Variants in OTOP3 observed in about 807,000 individuals in gnomAD.
OTOP3 encodes proton channel OTOP3.
Under a neutral mutation model 50.8 loss-of-function variants are expected in OTOP3, and 41 were observed. The observed-to-expected ratio is 0.81, with a 90% CI of 0.63 to 1.05. OTOP3 has a LOEUF of 1.05. OTOP3 is among the 50% of genes least tolerant of loss of function. The pLI is 0.00. For missense variants in OTOP3, 788 were observed against 760.8 expected, an observed-to-expected ratio of 1.04 and a Z score of -0.42; for synonymous variants, 320 against 324.4, an observed-to-expected ratio of 0.99 and a Z score of 0.14.
At chr17:74,936,976 T>C in intron 1 of OTOP3, among the ~76,000 whole-genome samples, 1 of 144,742 alleles carries the variant, frequency 6.9e-6, no homozygotes, top group African/African-American at 2.5e-5. Flanking sequence ...TTTTTTTTTT[T>C]TTTTGAGACA....
At chr17:74,937,544 C>G (rs1298074721) in intron 1 of OTOP3, among the ~76,000 whole-genome samples, 1 of 152,084 alleles carries the variant, frequency 6.6e-6, no homozygotes, top group Non-Finnish European at 1.5e-5. Context: ...TCCCGGTGAG[C>G]CCCAGCCTTG....
At chr17:74,937,041 C>T (rs1598600429) in intron 1 of OTOP3, among the ~76,000 whole-genome samples, 1 of 144,168 alleles carries the variant, frequency 6.9e-6, no homozygotes, top group Admixed American at 7.3e-5. Context: ...CAGCTCACTG[C>T]AGCCTCAGCC....
At position 74,941,810 on chromosome 17, in the gene OTOP3, G is replaced by T. The variant is rs757518296; in HGVS notation, c.436+1G>T. ...CACGCGGGGCCCCTCTGGGTGCGGG[G>T]TGAGTGTCAGGTTGCTGGGGGGCTG... On this transcript the variant is annotated splice_donor_variant, in intron 2 of 6. Transcript: ENST00000328801. LOFTEE classifies it high-confidence loss of function. The T allele has an allele frequency of 1.2e-6, 2 of 1,606,352 alleles. No homozygotes were observed. Among genetic ancestry groups the T allele is most frequent in the Middle Eastern group, 1.7e-4 (1 of 6,026 alleles).
chr17:74,940,351 A>T (rs569990443), intron 1 of OTOP3, among the ~76,000 whole-genome samples: 40 of 151,714 alleles, frequency 2.6e-4, no homozygotes, highest in African/African-American at 5.1e-4. Flanking sequence ...ATTTTTTTTT[A>T]AAAAACTAGA....
intron 1 of OTOP3, 101 bp downstream of exon 1, chr17:74,936,041 C>CA: frequency 6.7e-7 from 1 of 1,500,046 alleles, no homozygotes; most frequent in Non-Finnish European, 8.9e-7. Context: ...GTAGGGGCTG[C>CA]AGGGATTGGA....
rs1202207219 is a variant in OTOP3 at position 74,941,491 on chromosome 17, G to A, written c.118G>A (p.Ala40Thr). 10 of 1,612,460 alleles carry A rather than the reference G, an allele frequency of 6.2e-6. No individual in the cohort carries two copies. In the South Asian group the frequency reaches 8.8e-5, roughly 14 times the overall value. ...AGTGGATGTGGGGGCCGAGGAGAGA[G>A]CGGCCGCCACCCGGCCCCGGCAGAA... Reference protein sequence around the residue: ...NRVDVGAEERAAATRPRQKSW... With the variant: ...NRVDVGAEERTAATRPRQKSW... Residue 40 changes from alanine to threonine, a missense_variant, in exon 2 of 7, where the codon GCG becomes ACG. Coordinates refer to ENST00000328801, the MANE Select transcript of OTOP3 (RefSeq NM_001272005.2).
At chr17:74,936,961 C>CCCT (rs1555629576) in intron 1 of OTOP3, among the ~76,000 whole-genome samples, 1 of 101,308 alleles carries the variant, frequency 9.9e-6, no homozygotes, top group African/African-American at 3.6e-5. Flanking sequence ...CCCCCCCACC[C>CCCT]TTTTTTTTTT....
At chr17:74,941,314 C>A in intron 1 of OTOP3, 79 bp from the exon 2 acceptor site, 1 of 1,401,352 alleles carries the variant, frequency 7.1e-7, no homozygotes, top group Non-Finnish European at 9.4e-7. Context: ...GACCCTGGGT[C>A]ACACAGCGGT....
In OTOP3 at chr17:74,941,679, CG is replaced by C; in HGVS notation, c.307del (p.Val103CysfsTer8). 1 of 1,614,142 alleles carries C rather than the reference CG, an allele frequency of 6.2e-7. No individual in the cohort carries two copies. The highest frequency in any genetic ancestry group is 8.5e-7 in the Non-Finnish European group (1 of 1,180,012). Reference protein sequence around the residue: ...FNKVAVTLGDVWILLATLKVL... With the variant: ...FNKVAVTLGDXWILLATLKVL... ...ACAAGGTGGCCGTCACTCTGGGTGA[CG>C]TGTGGATCCTGCTGGCCACGCTGAA... On this transcript the variant is annotated frameshift_variant, in exon 2 of 7. Transcript: ENST00000328801. LOFTEE classifies it high-confidence loss of function.
In OTOP3 at chr17:74,947,442, G is replaced by T. The variant is rs746811791; in HGVS notation, c.1533G>T (p.Glu511Asp). The T allele has an allele frequency of 6.2e-6, 10 of 1,609,864 alleles. No homozygotes were observed. In the East Asian group the frequency reaches 2.2e-4, roughly 36 times the overall value. The change falls in exon 6 of 7, where the codon GAG becomes GAT. Residue 511 changes from glutamate (E) to aspartate (D), a missense_variant. Physicochemically the swap from Glu to Asp is conservative, Grantham distance 45 (BLOSUM62 2). Transcript: ENST00000328801. ...HLNWKRRALK[E>D]ISLFLILCNI... The stretch of plus-strand genomic sequence containing the variant: ...ACTGGAAGCGGAGGGCACTCAAGGA[G>T]ATCTCACTCTTCCTCATCCTCTGCA...
In OTOP3 at chr17:74,947,029, G is replaced by A. The variant is rs752845432; in HGVS notation, c.1120G>A (p.Ala374Thr). ...VLPTMSLACL[A>T]GTAIHGLEER... Reference sequence around the variant, plus strand: ...GCCCACCATGAGTCTGGCGTGCCTGGCGGGCACAGCCATACACGGGCTGGA... The same window carrying A: ...GCCCACCATGAGTCTGGCGTGCCTGACGGGCACAGCCATACACGGGCTGGA... Residue 374 changes from alanine (A) to threonine (T), a missense_variant, in exon 6 of 7, where the codon GCG becomes ACG. By Grantham distance (58) the Ala-to-Thr change is moderately conservative. Coordinates refer to ENST00000328801, the MANE Select transcript of OTOP3 (RefSeq NM_001272005.2). 1.8e-5 allele frequency: 29 copies of A among 1,613,822 alleles called. No homozygotes were observed. In the Admixed American group the frequency reaches 4.7e-4, roughly 26 times the overall value.
At chr17:74,948,902 A>T (rs781064636) in intron 6 of OTOP3, among the ~76,000 whole-genome samples, 1 of 152,202 alleles carries the variant, frequency 6.6e-6, no homozygotes, top group Non-Finnish European at 1.5e-5. Context: ...AGCTCAGGGT[A>T]CAGGGTGGGG....
At position 74,947,185 on chromosome 17, in the gene OTOP3, G is replaced by T. The variant is rs1004062855; in HGVS notation, c.1276G>T (p.Glu426Ter). 1 of 1,614,012 alleles carries T rather than the reference G, an allele frequency of 6.2e-7. No individual in the cohort carries two copies. Among genetic ancestry groups the T allele is most frequent in the Non-Finnish European group, 8.5e-7 (1 of 1,180,020 alleles). Residue 426 changes from glutamate to a stop codon, truncating the protein, a stop_gained, in exon 6 of 7, where the codon GAG becomes TAG. Transcript: ENST00000328801. LOFTEE classifies it high-confidence loss of function. The stretch of plus-strand genomic sequence containing the variant: ...GGCCATTGTGGCCAAGCGCCCGCAT[G>T]AGCTGCTCAACCGCCTCATCCTGGC... ...IVAIVAKRPH[E>*]LLNRLILAYS...
chr17:74,943,822 A>G (rs1253667508), intron 5 of OTOP3, 98 bp downstream of exon 5: 1 of 1,025,050 alleles, frequency 9.8e-7, no homozygotes, highest in Non-Finnish European at 1.5e-6. Context: ...AAAACAGGTG[A>G]GGCTCAGTAG....
At chr17:74,948,763 G>A (rs113515642) in intron 6 of OTOP3, among the ~76,000 whole-genome samples, 25 of 151,904 alleles carry the variant, frequency 1.6e-4, no homozygotes, top group Admixed American at 9.8e-4. Flanking sequence ...ACTTGAGCCC[G>A]GGAGGTTGAG....
At chr17:74,936,055 G>A (rs957651051) in intron 1 of OTOP3, 115 bp downstream of exon 1, 169 of 1,467,032 alleles carry the variant, frequency 1.2e-4, no homozygotes, top group Non-Finnish European at 3.2e-5. Context: ...GATTGGAACG[G>A]GAAAGCGGGG....
intron 5 of OTOP3, 49 bp downstream of exon 5, chr17:74,943,773 C>A (rs1270749497): frequency 8.1e-7 from 1 of 1,236,746 alleles, no homozygotes; most frequent in Non-Finnish European, 1.2e-6. Context: ...CACACACACA[C>A]ACACACACAC....
rs1403562077 is a variant in OTOP3, at chr17:74,949,180, C to CA, written c.1567-66_1567-65insA. On this transcript the variant is annotated intron_variant, in intron 6 of 6. Transcript: ENST00000328801. ...GGGGCTGCAGGTTTGGGGGCTGCCT[C>CA]CCCTGAACTGAGTGCCTTGGGGCAC... The CA allele has an allele frequency of 3.2e-6, 5 of 1,562,572 alleles. No homozygotes were observed. In the East Asian group the frequency reaches 1.1e-4, roughly 35 times the overall value.
intron 5 of OTOP3, among the ~76,000 whole-genome samples, chr17:74,945,111 C>G (rs1053164218): frequency 6.6e-6 from 1 of 151,992 alleles, no homozygotes; most frequent in African/African-American, 2.4e-5. Flanking sequence ...GCACACCCAG[C>G]TAATTTTTAA....
Sources: gnomAD v4.1 joint callset for allele counts (sites outside exome capture counted in the v4.1 genomes callset) on GRCh38, gnomAD v4.1.1 for gene constraint, MANE v1.5 for transcripts, NCBI Gene and HGNC (gene_info 2026-07-23, HGNC 2026-07-21) for gene names.